The following TMEM150C variants were observed in gnomAD, a reference collection of about 807,000 sequenced individuals.
The protein encoded by TMEM150C is tentonin 3.
TMEM150C carries 10 observed loss-of-function variants against 29.9 expected under a neutral mutation model. The ratio of observed to expected loss-of-function variants is 0.33; its 90% CI spans 0.21 to 0.57. The LOEUF is 0.57. TMEM150C is among the 20% of genes least tolerant of loss of function. The probability of loss-of-function intolerance (pLI) is 0.88; values close to 1 mark genes in which losing one functional copy is unlikely to be tolerated. For missense variants in TMEM150C, 251 were observed against 303.6 expected, an observed-to-expected ratio of 0.83 and a Z score of 1.29; for synonymous variants, 101 against 112.5, an observed-to-expected ratio of 0.90 and a Z score of 0.64.
chr4:82,499,649 G>A (rs1723666633), intron 5 of TMEM150C, among the ~76,000 whole-genome samples: 1 of 144,944 alleles, frequency 6.9e-6, no homozygotes, highest in African/African-American at 2.6e-5. Flanking sequence ...CTTGAACCTG[G>A]GAAGCGGAAG....
chr4:82,492,479 A>G (rs1463185531), intron 6 of TMEM150C, among the ~76,000 whole-genome samples: 3 of 152,114 alleles, frequency 2.0e-5, no homozygotes, highest in Non-Finnish European at 2.9e-5. Flanking sequence ...CATAGTAATA[A>G]GAAAAACTGT....
chr4:82,513,761 G>A (rs1311001731), intron 1 of TMEM150C, among the ~76,000 whole-genome samples: 1 of 152,110 alleles, frequency 6.6e-6, no homozygotes, highest in Non-Finnish European at 1.5e-5. Context: ...TAAGGGTTTT[G>A]CCTTCCCTCC....
intron 1 of TMEM150C, among the ~76,000 whole-genome samples, chr4:82,507,778 T>A (rs1723988317): frequency 8.1e-6 from 1 of 123,972 alleles, no homozygotes; most frequent in Admixed American, 9.9e-5. Flanking sequence ...AGACACGATC[T>A]CGCTTTGTCA....
chr4:82,492,866 A>G (rs777106940), intron 6 of TMEM150C, among the ~76,000 whole-genome samples: 4,138 of 83,356 alleles, frequency 0.05, 168 homozygotes, highest in Admixed American at 0.16. Context: ...ATGTTTGTGT[A>G]TATATATATA....
chr4:82,496,414 T>G (rs1723560441), intron 5 of TMEM150C: 2 of 477,682 alleles, frequency 4.2e-6, no homozygotes, highest in South Asian at 6.7e-5. Flanking sequence ...CATGCAATGC[T>G]TATGATTATT....
chr4:82,500,240 T>C (rs563622171), intron 5 of TMEM150C, among the ~76,000 whole-genome samples: 2 of 152,358 alleles, frequency 1.3e-5, no homozygotes, highest in South Asian at 2.1e-4. Flanking sequence ...GATTGTAAAG[T>C]ATAATCTATA....
At chr4:82,550,217 A>G (rs752770857) in intron 1 of TMEM150C, among the ~76,000 whole-genome samples, 2 of 152,150 alleles carry the variant, frequency 1.3e-5, no homozygotes, top group Admixed American at 6.6e-5. Flanking sequence ...AGTGTTTAAC[A>G]GTTCCACCTT....
intron 1 of TMEM150C, among the ~76,000 whole-genome samples, chr4:82,532,144 G>A (rs1477628375): frequency 6.6e-6 from 1 of 152,180 alleles, no homozygotes; most frequent in African/African-American, 2.4e-5. Context: ...TGTATAGGCT[G>A]ATAATAAGAG....
intron 1 of TMEM150C, among the ~76,000 whole-genome samples, chr4:82,522,635 G>A (rs769646241): frequency 5.3e-5 from 8 of 152,214 alleles, no homozygotes; most frequent in East Asian, 3.8e-4. Flanking sequence ...CTGTTAAAGC[G>A]CAGTAAGGCT....
intron 1 of TMEM150C, among the ~76,000 whole-genome samples, chr4:82,528,713 C>G (rs1253900650): frequency 6.6e-6 from 1 of 151,468 alleles, no homozygotes; most frequent in African/African-American, 2.4e-5. Flanking sequence ...ATTCTCCTAC[C>G]TAAGCCTCCT....
At chr4:82,492,595 T>C (rs1302176261) in intron 6 of TMEM150C, among the ~76,000 whole-genome samples, 2 of 152,020 alleles carry the variant, frequency 1.3e-5, no homozygotes, top group Non-Finnish European at 2.9e-5. Context: ...TTATTGCCAT[T>C]GGCGGTTATA....
chr4:82,527,053 T>C (rs1044033208), intron 1 of TMEM150C, among the ~76,000 whole-genome samples: 3 of 139,360 alleles, frequency 2.2e-5, no homozygotes, highest in African/African-American at 8.0e-5. Flanking sequence ...TGGCAAATAA[T>C]TGCCCATATC....
At chr4:82,502,582 A>T (rs1723769367) in intron 5 of TMEM150C, 145 bp downstream of exon 5, 4 of 753,612 alleles carry the variant, frequency 5.3e-6, no homozygotes, top group Non-Finnish European at 8.4e-6. Flanking sequence ...GACCTTTAAG[A>T]CAAAGAGCTG....
intron 5 of TMEM150C, 93 bp downstream of exon 5, chr4:82,502,634 A>G: frequency 8.1e-7 from 1 of 1,239,952 alleles, no homozygotes; most frequent in African/African-American, 1.5e-5. Flanking sequence ...ATGATCAAAT[A>G]AGCCCCCCAT....
At position 82,504,460 on chromosome 4, in the gene TMEM150C, C is replaced by T. The variant is rs1025205921; in HGVS notation, c.80+118G>A. The T allele has an allele frequency of 5.0e-5, 35 of 699,884 alleles. No homozygotes were observed. The African/African-American group carries it at 6.1e-4, about 12-fold the overall frequency. The allele number at this position is 699,884 out of a possible 1,614,324, so 43.4% of individuals were successfully genotyped here. A position where few individuals can be genotyped will look rare whatever the true frequency, so the allele number is the denominator to read the frequency against. On this transcript the variant is annotated intron_variant, in intron 2 of 7. Coordinates refer to ENST00000449862, the MANE Select transcript of TMEM150C (RefSeq NM_001080506.3). ...AAGTGATCTGCCTGACTCGGCCTCC[C>T]AAAGTGCTGAGATTACAGGCATGAG...
At chr4:82,487,184 C>T (rs1723191430) in intron 7 of TMEM150C, among the ~76,000 whole-genome samples, 2 of 152,174 alleles carry the variant, frequency 1.3e-5, no homozygotes, top group African/African-American at 2.4e-5. Context: ...CAAGGTGGCT[C>T]ATGCCTGTAA....
At chr4:82,554,906 A>G (rs1323045699) in intron 1 of TMEM150C, among the ~76,000 whole-genome samples, 1 of 152,206 alleles carries the variant, frequency 6.6e-6, no homozygotes, top group African/African-American at 2.4e-5. Context: ...GAGATGGAAG[A>G]TTCTACAGCC....
intron 1 of TMEM150C, among the ~76,000 whole-genome samples, chr4:82,536,954 C>T (rs962078191): frequency 2.0e-5 from 3 of 152,062 alleles, no homozygotes; most frequent in African/African-American, 4.8e-5. Context: ...AGTAAGTGCA[C>T]AAAAATTTTG....
intron 1 of TMEM150C, among the ~76,000 whole-genome samples, chr4:82,510,607 A>C (rs917941201): frequency 6.6e-6 from 1 of 152,252 alleles, no homozygotes; most frequent in Non-Finnish European, 1.5e-5. Flanking sequence ...AAATATGTTT[A>C]AAGCACACAG....
Sources: allele counts gnomAD v4.1 joint callset (sites outside exome capture counted in the v4.1 genomes callset), GRCh38; gene constraint gnomAD v4.1.1; transcripts MANE v1.5; gene names NCBI Gene and HGNC (gene_info 2026-07-23, HGNC 2026-07-21).